EVC: variants seen among roughly 807,000 people sequenced by gnomAD.
EVC encodes evC complex member EVC.
EVC carries 116 observed loss-of-function variants against 118.9 expected under a neutral mutation model. The ratio of observed to expected loss-of-function variants is 0.98; its 90% CI spans 0.84 to 1.14. The LOEUF (loss-of-function observed/expected upper bound fraction) is 1.14. Ranked by LOEUF, EVC falls within the 50% of genes most tolerant of loss-of-function variation. EVC has a pLI of 0.00. For missense variants in EVC, 1,401 were observed against 1,246.4 expected, an observed-to-expected ratio of 1.12 and a Z score of -1.87; for synonymous variants, 619 against 534.7, an observed-to-expected ratio of 1.16 and a Z score of -2.18.
At chr4:5,793,540 A>G (rs1713182002) in intron 12 of EVC, 68 bp from the exon 13 acceptor site, 4 of 1,342,148 alleles carry the variant, frequency 3.0e-6, no homozygotes, top group Non-Finnish European at 4.2e-6. Context: ...AAAATGCACA[A>G]TCCTAGCAAG....
rs1474071640 is a variant in EVC at position 5,804,790 on chromosome 4, G to A, written c.2510G>A (p.Gly837Asp). Residue 837 changes from glycine to aspartate, a missense_variant, in exon 17 of 21, where the codon GGC becomes GAC. Coordinates refer to ENST00000264956, the MANE Select transcript of EVC (RefSeq NM_153717.3). ...KKQELSNPSSGSRTAGGAHET... is the reference protein window; with the variant it reads ...KKQELSNPSSDSRTAGGAHET... ...CAAGAACTCAGCAACCCTTCGTCGG[G>A]CAGCAGGACGGCAGGTGGCGCTCAT... The A allele has an allele frequency of 2.5e-6, 4 of 1,614,038 alleles. No homozygotes were observed. The highest frequency in any genetic ancestry group is 2.2e-5 in the East Asian group (1 of 44,878).
At chr4:5,741,077 C>A (rs1188177156) in intron 5 of EVC, among the ~76,000 whole-genome samples, 1 of 152,204 alleles carries the variant, frequency 6.6e-6, no homozygotes, top group East Asian at 1.9e-4. Context: ...GAAGACCCAG[C>A]AATTGCATTT....
the EVC span, chr4:5,825,726 G>T: frequency 6.5e-7 from 1 of 1,542,394 alleles, no homozygotes. This position sits in a 1 kb window ranked among gnomAD's most constrained non-coding sequence, Gnocchi z 4.4. Context: ...GGCAGATAAA[G>T]CAGAGCCCTG....
rs752068777 is a variant in EVC at position 5,808,181 on chromosome 4, G to A, written c.2562-20G>A. The A allele has an allele frequency of 3.4e-6, 4 of 1,170,612 alleles. No individual in the cohort carries two copies. The highest frequency in any genetic ancestry group is 4.4e-6 in the Non-Finnish European group (4 of 908,862). The allele number at this position is 1,170,612 out of a possible 1,614,324, so 72.5% of individuals were successfully genotyped here. A position where few individuals can be genotyped will look rare whatever the true frequency, so the allele number is the denominator to read the frequency against. On this transcript the variant is annotated intron_variant, in intron 17 of 20. Coordinates refer to ENST00000264956, the MANE Select transcript of EVC (RefSeq NM_153717.3). ...TCCCTTCCTTCCTCCCTGCCAGCCT[G>A]CCTGCCTTCCTCCCCCCAGGATGCT...
chr4:5,757,601 T>C (rs1731373257), intron 11 of EVC, among the ~76,000 whole-genome samples: 1 of 152,210 alleles, frequency 6.6e-6, no homozygotes, highest in Admixed American at 6.5e-5. Context: ...ACAGCTGCCT[T>C]CCCGTTGCCT....
At position 5,813,340 on chromosome 4, in the gene EVC, T is replaced by A. The variant is rs915952245; in HGVS notation, c.*2303T>A. 6.6e-6 allele frequency: 1 copy of A among 152,262 alleles called. No individual in the cohort carries two copies. The highest frequency in any genetic ancestry group is 1.5e-5 in the Non-Finnish European group (1 of 68,064). The allele number at this position is 152,262 out of a possible 1,614,324, so 9.4% of individuals were successfully genotyped here. ...CCTCAGCCTCCCCAGTAGCTGGGAC[T>A]ACAGACGTGTGCCACCACGCCTGGC... On this transcript the variant is annotated 3_prime_UTR_variant, in exon 21 of 21. Coordinates refer to ENST00000264956, the MANE Select transcript of EVC (RefSeq NM_153717.3).
At chr4:5,721,478 A>T (rs1054072476) in intron 2 of EVC, among the ~76,000 whole-genome samples, 11 of 152,156 alleles carry the variant, frequency 7.2e-5, no homozygotes, top group Non-Finnish European at 1.2e-4. Flanking sequence ...CAGAAAGTAG[A>T]TTAGTGGTTT....
At chr4:5,759,098 C>G (rs1168169840) in intron 11 of EVC, among the ~76,000 whole-genome samples, 1 of 151,882 alleles carries the variant, frequency 6.6e-6, no homozygotes, top group Non-Finnish European at 1.5e-5. Flanking sequence ...TCTGAGTGCC[C>G]AGGCACAGTA....
intron 2 of EVC, among the ~76,000 whole-genome samples, chr4:5,728,943 C>T (rs1726310957): frequency 6.6e-6 from 1 of 152,028 alleles, no homozygotes; most frequent in Non-Finnish European, 1.5e-5. Flanking sequence ...TGTCCATATC[C>T]CCATCTATTT....
At chr4:5,824,449 T>G in the EVC span, 2 of 985,356 alleles carry the variant, frequency 2.0e-6, no homozygotes, top group Non-Finnish European at 2.4e-6. Flanking sequence ...GGATAAGAGG[T>G]TCTGCCACCA....
At chr4:5,761,990 G>A (rs1732108234) in intron 11 of EVC, among the ~76,000 whole-genome samples, 2 of 150,856 alleles carry the variant, frequency 1.3e-5, no homozygotes, top group South Asian at 4.2e-4. Flanking sequence ...CCATGCTGGT[G>A]CGCTGCACCC....
chr4:5,724,969 A>T (rs895080391), intron 2 of EVC, among the ~76,000 whole-genome samples: 46 of 152,100 alleles, frequency 3.0e-4, no homozygotes, highest in African/African-American at 1.1e-3. Flanking sequence ...AAGTGAGAAC[A>T]TGCGGTGTTT....
At chr4:5,774,218 C>G (rs1734398436) in intron 11 of EVC, among the ~76,000 whole-genome samples, 1 of 151,606 alleles carries the variant, frequency 6.6e-6, no homozygotes, top group Admixed American at 6.6e-5. Context: ...TCCCTCCCAT[C>G]TCTCCCCTCC....
chr4:5,775,766 A>C (rs1034103492), intron 11 of EVC, among the ~76,000 whole-genome samples: 1 of 152,122 alleles, frequency 6.6e-6, no homozygotes, highest in Non-Finnish European at 1.5e-5. Context: ...GTGTGTACAT[A>C]TTTTTCTTGG....
At chr4:5,803,612 A>C (rs1172635992) in intron 16 of EVC, among the ~76,000 whole-genome samples, 1 of 152,214 alleles carries the variant, frequency 6.6e-6, no homozygotes, top group Non-Finnish European at 1.5e-5. Flanking sequence ...GCTCTCATGC[A>C]GGGATTTCAC....
chr4:5,758,229 G>C, intron 11 of EVC: 1 of 675,840 alleles, frequency 1.5e-6, no homozygotes, highest in Non-Finnish European at 2.7e-6. Context: ...AGCCTTTGGA[G>C]GGGGCGAGGC....
Position 5,797,250 on chromosome 4 carries a change from GC to G in EVC, c.2097+22del, listed in dbSNP as rs1714139370. 1 of 1,587,540 alleles carries G rather than the reference GC, an allele frequency of 6.3e-7. No homozygotes were observed. ...GGGCCCTGGTAAGACCAGCATGGTG[GC>G]CCCACCCATTCCAGACAGGCGGTGC... is the stretch of plus-strand genomic sequence containing the variant. On this transcript the variant is annotated intron_variant, in intron 14 of 20. Coordinates refer to ENST00000264956, the MANE Select transcript of EVC (RefSeq NM_153717.3).
intron 13 of EVC, among the ~76,000 whole-genome samples, chr4:5,796,607 G>T (rs764971313): frequency 2.6e-5 from 4 of 151,968 alleles, no homozygotes; most frequent in Non-Finnish European, 5.9e-5. Context: ...TCACCTCTCA[G>T]CCTCTCAGCA....
chr4:5,818,086 C>A (rs1235896340), downstream of EVC, among the ~76,000 whole-genome samples: 1 of 152,092 alleles, frequency 6.6e-6, no homozygotes, highest in East Asian at 1.9e-4. Flanking sequence ...ATAATTGAAT[C>A]ATGGGGGCAG....
Sources: gnomAD v4.1 joint callset for allele counts (sites outside exome capture counted in the v4.1 genomes callset) on GRCh38, gnomAD v4.1.1 for gene constraint, Gnocchi (gnomAD v3.1) non-coding constraint, MANE v1.5 for transcripts, NCBI Gene and HGNC (gene_info 2026-07-23, HGNC 2026-07-21) for gene names.